Variants in RPRD2 observed in about 807,000 individuals in gnomAD.
RPRD2 encodes the protein regulation of nuclear pre-mRNA domain-containing protein 2.
In RPRD2, 12 loss-of-function variants were observed where a neutral mutation model predicts 104.4. The ratio of observed to expected loss-of-function variants is 0.11; its 90% CI spans 0.07 to 0.19. The LOEUF is 0.19. RPRD2 is among the 10% of genes least tolerant of loss of function. RPRD2 has a pLI of 1.00. For synonymous variants in RPRD2, 714 were observed against 684.9 expected, an observed-to-expected ratio of 1.04 and a Z score of -0.66; for missense variants, 1,543 against 1,790.1, an observed-to-expected ratio of 0.86 and a Z score of 2.49.
intron 2 of RPRD2, among the ~76,000 whole-genome samples, chr1:150,438,389 G>T (rs1666166297): frequency 6.6e-6 from 1 of 152,072 alleles, no homozygotes; most frequent in Non-Finnish European, 1.5e-5. Flanking sequence ...ACTTTGGGAG[G>T]CCAAGGCGGG....
chr1:150,421,576 CAAT>C (rs1328445085), intron 2 of RPRD2, among the ~76,000 whole-genome samples: 2 of 151,722 alleles, frequency 1.3e-5, no homozygotes, highest in Admixed American at 6.6e-5. Context: ...TATCTTAAAA[CAAT>C]AATGGAAGCA....
intron 1 of RPRD2, among the ~76,000 whole-genome samples, chr1:150,388,097 T>C (rs1038430942): frequency 6.6e-6 from 1 of 151,584 alleles, no homozygotes; most frequent in Non-Finnish European, 1.5e-5. Flanking sequence ...TTGTATTTTT[T>C]TGTAGAGACG....
chr1:150,408,158 A>ATTTTTTTTTTTTTTTTTT (rs10684924), intron 1 of RPRD2, among the ~76,000 whole-genome samples: 1 of 95,096 alleles, frequency 1.1e-5, no homozygotes, highest in African/African-American at 4.7e-5. Flanking sequence ...TATTCATATG[A>ATTTTTTTTTTTTTTTTTT]TTTTTTTTTT....
intron 1 of RPRD2, among the ~76,000 whole-genome samples, chr1:150,365,961 G>A (rs1659815579): frequency 2.6e-5 from 4 of 152,180 alleles, no homozygotes; most frequent in Admixed American, 2.0e-4. Context: ...ATGTGCACAG[G>A]AAATGTGCTT....
rs781907177 is a variant in RPRD2, at chr1:150,458,385, C to T, written c.1153+815C>T. Among the ~76,000 whole-genome samples the T allele has an allele frequency of 6.5e-4, 98 of 150,572 alleles. 1 individual carries two copies. The highest frequency in any genetic ancestry group is 1.1e-3 in the Non-Finnish European group (73 of 67,760). ...AGGAGAATCACTTGAGCCTGGGAGG[C>T]GGAGGTTGCAGTGAGCCAAGACCAT... is the stretch of plus-strand genomic sequence containing the variant. On this transcript the variant is annotated intron_variant, in intron 8 of 10. Transcript: ENST00000369068.
chr1:150,472,715 C>A lies in RPRD2; in HGVS notation c.3767C>A (p.Pro1256His), dbSNP rs765860628. The change falls in exon 11 of 11, where the codon CCC (proline) becomes CAC (histidine). Residue 1256 changes from proline to histidine, a missense_variant. Transcript: ENST00000369068. ...GCAGCCCTGGCCCATGCTGCCCCACCCCCTCCTCCTGGAGAGCACAGTGGA... is the reference window on the plus strand; with the variant it reads ...GCAGCCCTGGCCCATGCTGCCCCACACCCTCCTCCTGGAGAGCACAGTGGA... ...KEAALAHAAP[P>H]PPPGEHSGIP... 6.2e-7 allele frequency: 1 copy of A among 1,613,696 alleles called. No individual in the cohort carries two copies. The highest frequency in any genetic ancestry group is 2.2e-5 in the East Asian group (1 of 44,884).
chr1:150,393,335 A>G (rs1553883540), intron 1 of RPRD2, among the ~76,000 whole-genome samples: 2 of 151,656 alleles, frequency 1.3e-5, no homozygotes, highest in Non-Finnish European at 2.9e-5. Context: ...GTACATGCCT[A>G]CAGTCCCAGC....
chr1:150,469,325 G>GT (rs1252604332), intron 10 of RPRD2, among the ~76,000 whole-genome samples: 1 of 152,096 alleles, frequency 6.6e-6, no homozygotes, highest in Non-Finnish European at 1.5e-5. Context: ...ACCCAGGCTG[G>GT]TGTGCAGTGG....
At chr1:150,433,836 AATATGTTATAT>A (rs1233053593) in intron 2 of RPRD2, among the ~76,000 whole-genome samples, 11 of 145,254 alleles carry the variant, frequency 7.6e-5, no homozygotes, top group Admixed American at 1.4e-4. Context: ...TAATATACAT[AATATGTTATAT>A]ATATGTTATA....
chr1:150,431,423 CAG>C (rs1202243232), intron 2 of RPRD2, among the ~76,000 whole-genome samples: 3 of 143,190 alleles, frequency 2.1e-5, no homozygotes, highest in African/African-American at 7.7e-5. Flanking sequence ...AATGGATAAA[CAG>C]TGTGATGTAT....
rs1484543655 is a variant in RPRD2, at chr1:150,364,509, G to A, written c.-206G>A. Reference sequence around the variant, plus strand: ...CCTCCGAGACCCGCAGCCCCTCCTTGCAGCGTGTAGGAGCTGCCAGCGTGC... The same window carrying A: ...CCTCCGAGACCCGCAGCCCCTCCTTACAGCGTGTAGGAGCTGCCAGCGTGC... On this transcript the variant is annotated 5_prime_UTR_variant, in exon 1 of 11. Transcript: ENST00000369068. The A allele has an allele frequency of 2.0e-6, 1 of 510,748 alleles. No individual in the cohort carries two copies. Among genetic ancestry groups the A allele is most frequent in the Admixed American group, 3.8e-5 (1 of 26,496 alleles). 31.6% of individuals were successfully genotyped at this position (510,748 alleles called of 1,614,324 possible).
chr1:150,414,408 A>C (rs1300715274), intron 1 of RPRD2, among the ~76,000 whole-genome samples: 1 of 152,208 alleles, frequency 6.6e-6, no homozygotes, highest in Non-Finnish European at 1.5e-5. Flanking sequence ...CAGAGCCAGA[A>C]ATGGAAAAGA....
intron 1 of RPRD2, among the ~76,000 whole-genome samples, chr1:150,416,938 C>T (rs1664389884): frequency 6.7e-6 from 1 of 150,046 alleles, no homozygotes; most frequent in Non-Finnish European, 1.5e-5. Flanking sequence ...TACATAGGAT[C>T]ATATTATTTT....
intron 1 of RPRD2, among the ~76,000 whole-genome samples, chr1:150,375,466 ATTAC>A (rs1297099289): frequency 6.6e-6 from 1 of 152,196 alleles, no homozygotes; most frequent in African/African-American, 2.4e-5. Flanking sequence ...GCCACCCAGA[ATTAC>A]TTTAATGTTA....
intron 2 of RPRD2, among the ~76,000 whole-genome samples, chr1:150,429,400 G>T (rs373232163): frequency 7.9e-5 from 12 of 151,890 alleles, no homozygotes; most frequent in African/African-American, 2.4e-4. Flanking sequence ...AACCTCTCAG[G>T]CTGGAGTACA....
At chr1:150,430,028 A>G (rs150726432) in intron 2 of RPRD2, among the ~76,000 whole-genome samples, 7 of 152,316 alleles carry the variant, frequency 4.6e-5, no homozygotes, top group Non-Finnish European at 1.0e-4. Context: ...TAGTTGTTCT[A>G]TATGAACACA....
chr1:150,440,848 C>T, intron 2 of RPRD2, 75 bp from the exon 3 acceptor site: 1 of 739,634 alleles, frequency 1.4e-6, no homozygotes. Flanking sequence ...TTATTGATAA[C>T]TTTATTTTCA....
At chr1:150,444,577 G>A (rs1272040827) in intron 6 of RPRD2, among the ~76,000 whole-genome samples, 200 bp downstream of exon 6, 9 of 152,092 alleles carry the variant, frequency 5.9e-5, no homozygotes, top group African/African-American at 2.2e-4. Flanking sequence ...CTTTCTTGGT[G>A]TACTAGGTTA....
At position 150,364,755 on chromosome 1, in the gene RPRD2, C is replaced by A; in HGVS notation, c.41C>A (p.Ser14Tyr). The A allele has an allele frequency of 6.2e-7, 1 of 1,600,620 alleles. No individual in the cohort carries two copies. ...GGCGGAGGCAGCAGTAAGGCCTCCT[C>A]CTCGTCGGCCTCTTCGGCAGGGGCT... Reference protein sequence around the residue: ...GGGGGSSKASSSSASSAGALE... With the variant: ...GGGGGSSKASYSSASSAGALE... Residue 14 changes from serine to tyrosine, a missense_variant, in exon 1 of 11, where the codon TCC (serine) becomes TAC (tyrosine). Physicochemically the swap from Ser to Tyr is moderately radical, Grantham distance 144. Coordinates refer to ENST00000369068, the MANE Select transcript of RPRD2 (RefSeq NM_015203.5).
Sources: gnomAD v4.1 joint callset for allele counts (sites outside exome capture counted in the v4.1 genomes callset) on GRCh38, gnomAD v4.1.1 for gene constraint, MANE v1.5 for transcripts, NCBI Gene and HGNC (gene_info 2026-07-23, HGNC 2026-07-21) for gene names.